Variants in UGT2A1 observed in about 807,000 individuals in gnomAD.
UGT2A1 encodes UDP glucuronosyltransferase family 2 member A1 complex locus.
UGT2A1 carries 61 observed loss-of-function variants against 45.4 expected under a neutral mutation model. The observed-to-expected ratio is 1.34, with a 90% confidence interval of 1.09 to 1.66. The LOEUF (loss-of-function observed/expected upper bound fraction) is 1.66, where lower values mean the gene tolerates loss of function less well. UGT2A1 is among the 40% of genes most tolerant of loss of function. The pLI is 0.00. For synonymous variants in UGT2A1, 229 were observed against 196.2 expected, an observed-to-expected ratio of 1.17 and a Z score of -1.40; for missense variants, 649 against 574.3, an observed-to-expected ratio of 1.13 and a Z score of -1.33.
chr4:69,596,140 G>C lies in UGT2A1; in HGVS notation c.997-891C>G, dbSNP rs867213022. 3.1e-6 allele frequency: 4 copies of C among 1,299,074 alleles called. No individual in the cohort carries two copies. In the African/African-American group the frequency reaches 6.0e-5, roughly 20 times the overall value. 80.5% of individuals were successfully genotyped at this position (1,299,074 alleles called of 1,614,324 possible). On this transcript the variant is annotated intron_variant, in intron 4 of 6. Transcript: ENST00000286604. ...AACGTTACTTACAACTGTTACTAGTGATACTCAGTGTATAATGAGTTTTGA... is the reference window on the plus strand; with the variant it reads ...AACGTTACTTACAACTGTTACTAGTCATACTCAGTGTATAATGAGTTTTGA...
At chr4:69,622,465 G>A (rs1381015165) in intron 3 of UGT2A1, among the ~76,000 whole-genome samples, 1 of 151,632 alleles carries the variant, frequency 6.6e-6, no homozygotes, top group African/African-American at 2.4e-5. Context: ...ATTTTTATGT[G>A]TAAGAAAACC....
intron 3 of UGT2A1, among the ~76,000 whole-genome samples, chr4:69,600,132 C>T (rs528217130): frequency 1.3e-4 from 20 of 152,198 alleles, no homozygotes; most frequent in African/African-American, 4.6e-4. Flanking sequence ...ACCATGAGTC[C>T]CCAGAGTGTG....
rs1286742543 is a variant in UGT2A1 at position 69,646,919 on chromosome 4, T to G, written c.715+11A>C. On this transcript the variant is annotated intron_variant, in intron 2 of 6. Transcript: ENST00000286604. ...CAAATTCAAGTAATAAAAACAAAAT[T>G]TGTTACATACCTAAAGCTTTACTAT... 1.3e-6 allele frequency: 2 copies of G among 1,527,300 alleles called. No individual in the cohort carries two copies. Among genetic ancestry groups the G allele is most frequent in the Non-Finnish European group, 1.8e-6 (2 of 1,142,472 alleles). 94.6% of individuals were successfully genotyped at this position (1,527,300 alleles called of 1,614,324 possible).
At position 69,605,419 on chromosome 4, in the gene UGT2A1, G is replaced by A. The variant is rs1481671538; in HGVS notation, c.848-6025C>T. On this transcript the variant is annotated intron_variant, in intron 3 of 6. Coordinates refer to ENST00000286604, the MANE Select transcript of UGT2A1 (RefSeq NM_001252275.3). ...CCAGAATCTCTGGGACACATTCAAA[G>A]CAGTGTGTAGAGGGAAATTTATAGC... is the stretch of plus-strand genomic sequence containing the variant. 8.8e-5 allele frequency among the ~76,000 whole-genome samples: 12 copies of A among 136,884 alleles called. 1 individual carries two copies. The highest frequency in any genetic ancestry group is 1.7e-4 in the Non-Finnish European group (11 of 64,396). 89.8% of individuals were successfully genotyped at this position (136,884 alleles called of 152,430 possible).
chr4:69,630,890 A>G (rs1013197201), intron 3 of UGT2A1, among the ~76,000 whole-genome samples: 3 of 151,980 alleles, frequency 2.0e-5, no homozygotes, highest in African/African-American at 7.3e-5. Flanking sequence ...ATATATATAC[A>G]TACATGTAAG....
At chr4:69,625,171 T>C (rs1462288568) in intron 3 of UGT2A1, among the ~76,000 whole-genome samples, 1 of 151,180 alleles carries the variant, frequency 6.6e-6, no homozygotes, top group Non-Finnish European at 1.5e-5. Context: ...CATTCTTTTT[T>C]TTTCTTTGCT....
At chr4:69,603,140 T>C (rs1002801394) in intron 3 of UGT2A1, among the ~76,000 whole-genome samples, 1 of 137,168 alleles carries the variant, frequency 7.3e-6, no homozygotes, top group Non-Finnish European at 1.6e-5. Flanking sequence ...CATAAACCTT[T>C]ACAATTGTTG....
chr4:69,599,263 C>T lies in UGT2A1; in HGVS notation c.979G>A (p.Ala327Thr). Reference sequence around the variant, plus strand: ...AGACCTACCTTAGGTAAAGGTTTGGCAGGTTTGCAGTGCAATCCTCCAACA... The same window carrying T: ...AGACCTACCTTAGGTAAAGGTTTGGTAGGTTTGCAGTGCAATCCTCCAACA... ...EFVGGLHCKP[A>T]KPLPKVLWRY... The change falls in exon 4 of 7, where the codon GCC (alanine) becomes ACC (threonine). Residue 327 changes from alanine to threonine, a missense_variant. Transcript: ENST00000286604. The T allele has an allele frequency of 6.2e-7, 1 of 1,613,394 alleles. No individual in the cohort carries two copies. The highest frequency in any genetic ancestry group is 8.5e-7 in the Non-Finnish European group (1 of 1,179,758).
chr4:69,596,457 A>T, intron 4 of UGT2A1: 1 of 1,398,268 alleles, frequency 7.2e-7, no homozygotes, highest in South Asian at 1.8e-5. Context: ...ACATTTAAGT[A>T]GGTAAAATTA....
chr4:69,651,881 G>T, intron 1 of UGT2A1, among the ~76,000 whole-genome samples: 1 of 152,166 alleles, frequency 6.6e-6, no homozygotes, highest in Admixed American at 6.5e-5. Context: ...GGTAAGAAGG[G>T]CACTGCACAT....
intron 3 of UGT2A1, among the ~76,000 whole-genome samples, chr4:69,627,175 A>C (rs2109947746): frequency 6.6e-6 from 1 of 152,006 alleles, no homozygotes; most frequent in East Asian, 1.9e-4. Flanking sequence ...ATAATTTTTA[A>C]CAGTAAAAAT....
chr4:69,592,759 C>T (rs187332691), intron 6 of UGT2A1, among the ~76,000 whole-genome samples: 1 of 151,320 alleles, frequency 6.6e-6, no homozygotes, highest in East Asian at 1.9e-4. Context: ...ACTGGTGCTC[C>T]AGAAGTAAAG....
chr4:69,589,569 C>T lies in UGT2A1; in HGVS notation c.1387G>A (p.Glu463Lys), dbSNP rs746847554. Reference protein sequence around the residue: ...KPLDRAVFWIEFVMRHKGAKH... With the variant: ...KPLDRAVFWIKFVMRHKGAKH... ...GCTCCTTTGTGGCGCATGACAAACT[C>T]GATCCAGAAGACTGCTCGATCCAGG... Residue 463 changes from glutamate to lysine, a missense_variant, in exon 7 of 7, where the codon GAG (glutamate) becomes AAG (lysine). By Grantham distance (56) the Glu-to-Lys change is moderately conservative. Transcript: ENST00000286604. 5.0e-6 allele frequency: 8 copies of T among 1,613,848 alleles called. No individual in the cohort carries two copies. Among genetic ancestry groups the T allele is most frequent in the African/African-American group, 2.7e-5 (2 of 74,886 alleles).
chr4:69,589,903 T>C lies in UGT2A1; in HGVS notation c.1305-252A>G, dbSNP rs1022618696. ...AAGTAGAGTAAGCCAGTTGTAAATATAGATGTTTAGCATAATTTTTCCAAA... is the reference window on the plus strand; with the variant it reads ...AAGTAGAGTAAGCCAGTTGTAAATACAGATGTTTAGCATAATTTTTCCAAA... On this transcript the variant is annotated intron_variant, in intron 6 of 6. Coordinates refer to ENST00000286604, the MANE Select transcript of UGT2A1 (RefSeq NM_001252275.3). 3.3e-5 allele frequency among the ~76,000 whole-genome samples: 5 copies of C among 152,312 alleles called. No individual in the cohort carries two copies. The East Asian group carries it at 5.8e-4, about 18-fold the overall frequency.
In UGT2A1 at chr4:69,589,035, A is replaced by C. The variant is rs1718422043; in HGVS notation, c.*337T>G. The C allele has an allele frequency of 5.3e-6, 1 of 189,032 alleles. No homozygotes were observed. Among genetic ancestry groups the C allele is most frequent in the South Asian group, 1.1e-4 (1 of 9,332 alleles). 11.7% of individuals were successfully genotyped at this position (189,032 alleles called of 1,614,324 possible). On this transcript the variant is annotated 3_prime_UTR_variant, in exon 7 of 7. Coordinates refer to ENST00000286604, the MANE Select transcript of UGT2A1 (RefSeq NM_001252275.3). ...CATTACCAGGATTCAGCATATTGTT[A>C]ATCATTAATTAAGGTTAACGATAAA...
chr4:69,628,251 G>T (rs1350039646), intron 3 of UGT2A1, among the ~76,000 whole-genome samples: 1 of 150,056 alleles, frequency 6.7e-6, no homozygotes, highest in Admixed American at 6.7e-5. Context: ...TAAAGAAATA[G>T]AAAAAACAAA....
chr4:69,599,249 A>C lies in UGT2A1; in HGVS notation c.993T>G (p.Pro331=). ...TCCTCCACTGTTGTAGACCTACCTT[A>C]GGTAAAGGTTTGGCAGGTTTGCAGT... ...GLHCKPAKPL[P]KVLWRYKGKK... Residue 331 remains proline, a synonymous_variant, in exon 4 of 7, where the codon CCT becomes CCG. Coordinates refer to ENST00000286604, the MANE Select transcript of UGT2A1 (RefSeq NM_001252275.3). The C allele has an allele frequency of 6.2e-7, 1 of 1,613,230 alleles. No individual in the cohort carries two copies. The highest frequency in any genetic ancestry group is 8.5e-7 in the Non-Finnish European group (1 of 1,179,698).
At chr4:69,646,409 A>G (rs1044912037) in intron 2 of UGT2A1, among the ~76,000 whole-genome samples, 5 of 151,844 alleles carry the variant, frequency 3.3e-5, no homozygotes, top group African/African-American at 7.2e-5. Flanking sequence ...AATCACCCTG[A>G]TCAATGGTTG....
At position 69,602,982 on chromosome 4, in the gene UGT2A1, G is replaced by C. The variant is rs1719387620; in HGVS notation, c.848-3588C>G. On this transcript the variant is annotated intron_variant, in intron 3 of 6. Coordinates refer to ENST00000286604, the MANE Select transcript of UGT2A1 (RefSeq NM_001252275.3). ...ACTCTAGAGGCTGAGGCAGAGAATT[G>C]CTTGAACCCGGGAGGAGGAGGTTGC... 1.5e-5 allele frequency among the ~76,000 whole-genome samples: 2 copies of C among 135,280 alleles called. 1 individual carries two copies. Among genetic ancestry groups the C allele is most frequent in the African/African-American group, 6.0e-5 (2 of 33,246 alleles). The allele number at this position is 135,280 out of a possible 152,430, so 88.7% of individuals were successfully genotyped here.
Sources: allele counts gnomAD v4.1 joint callset (sites outside exome capture counted in the v4.1 genomes callset), GRCh38; gene constraint gnomAD v4.1.1; transcripts MANE v1.5; gene names NCBI Gene and HGNC (gene_info 2026-07-23, HGNC 2026-07-21).